Variants in PACS1 observed in about 807,000 individuals in gnomAD.
PACS1 encodes the protein phosphofurin acidic cluster sorting protein 1, also known as PACS-1.
Under a neutral mutation model 115.0 loss-of-function variants are expected in PACS1, and 24 were observed. The observed-to-expected ratio is 0.21, with a 90% CI of 0.15 to 0.29. The LOEUF is 0.29. Ranked by LOEUF, PACS1 falls within the 10% of genes least tolerant of loss-of-function variation. The pLI, the probability that PACS1 is intolerant of heterozygous loss-of-function variation, is 1.00. For synonymous variants in PACS1, 453 were observed against 504.5 expected, an observed-to-expected ratio of 0.90 and a Z score of 1.37; for missense variants, 838 against 1,251.2, an observed-to-expected ratio of 0.67 and a Z score of 4.98.
At chr11:66,214,185 G>A (rs1281939074) in intron 4 of PACS1, among the ~76,000 whole-genome samples, 1 of 151,984 alleles carries the variant, frequency 6.6e-6, no homozygotes, top group Non-Finnish European at 1.5e-5. Flanking sequence ...CTGTACTTTA[G>A]TAAATTAAAT....
At chr11:66,091,512 C>CT (rs532791730) in intron 1 of PACS1, among the ~76,000 whole-genome samples, 76 of 144,098 alleles carry the variant, frequency 5.3e-4, no homozygotes, top group African/African-American at 8.9e-4. Context: ...TGTTTTTTTT[C>CT]TTTTTTTTTT....
intron 1 of PACS1, among the ~76,000 whole-genome samples, chr11:66,187,723 G>C (rs1048449276): frequency 2.0e-5 from 3 of 152,148 alleles, no homozygotes; most frequent in Non-Finnish European, 4.4e-5. Flanking sequence ...GGACCCCTAG[G>C]TTGATTCCTT....
intron 1 of PACS1, among the ~76,000 whole-genome samples, chr11:66,185,022 A>G (rs1348944489): frequency 1.3e-5 from 2 of 151,980 alleles, no homozygotes; most frequent in African/African-American, 4.8e-5. Context: ...CAGGCCAGGA[A>G]CTCTCGGCCT....
intron 4 of PACS1, among the ~76,000 whole-genome samples, chr11:66,215,591 C>T (rs929972899): frequency 2.6e-5 from 4 of 151,120 alleles, no homozygotes; most frequent in African/African-American, 7.3e-5. Flanking sequence ...CAGAGTGAGA[C>T]CCTGCCTTTA....
intron 1 of PACS1, chr11:66,121,055 A>G (rs1179796747): frequency 2.2e-6 from 1 of 456,186 alleles, no homozygotes; most frequent in East Asian, 6.9e-5. Context: ...GATTTGTGGC[A>G]ACCCTACGTT....
chr11:66,215,945 AATAAT>A (rs1565150611), intron 4 of PACS1, among the ~76,000 whole-genome samples, 169 bp from the exon 5 acceptor site: 9 of 144,248 alleles, frequency 6.2e-5, no homozygotes, highest in African/African-American at 2.1e-4. Flanking sequence ...TAATAATAAT[AATAAT>A]AAACAAAGTA....
At chr11:66,143,669 T>C (rs1565123207) in intron 1 of PACS1, among the ~76,000 whole-genome samples, 1 of 152,184 alleles carries the variant, frequency 6.6e-6, no homozygotes, top group East Asian at 1.9e-4. Flanking sequence ...AGACAGAGTC[T>C]TACTCTGTTG....
chr11:66,118,512 T>C (rs144577549), intron 1 of PACS1, among the ~76,000 whole-genome samples: 4,016 of 152,158 alleles, frequency 0.026, 76 homozygotes, highest in South Asian at 0.068. Flanking sequence ...CTTGGGAGGC[T>C]GAGGTGGGAG....
In PACS1 at chr11:66,230,688, G is replaced by C. The variant is rs776391150; in HGVS notation, c.1490+25G>C. 1.3e-5 allele frequency: 21 copies of C among 1,610,014 alleles called. No homozygotes were observed. The South Asian group carries it at 1.6e-4, about 13-fold the overall frequency. ...GGTACTGCAGATGGAAAGGAAGCAG[G>C]GGGTACAGCCTGCAGCTGTGCTTAG... is the stretch of plus-strand genomic sequence containing the variant. On this transcript the variant is annotated intron_variant, in intron 12 of 23. Transcript: ENST00000320580.
chr11:66,143,270 T>G (rs1859041798), intron 1 of PACS1, among the ~76,000 whole-genome samples: 1 of 152,200 alleles, frequency 6.6e-6, no homozygotes. Flanking sequence ...TAAAACTTCT[T>G]GCTGTAAAGG....
Position 66,172,272 on chromosome 11 carries a change from A to G in PACS1, c.357-21214A>G, listed in dbSNP as rs967933434. On this transcript the variant is annotated intron_variant, in intron 1 of 23. Transcript: ENST00000320580. ...TGAGCCAGCCTCCACGGTCTCCCTTATGACTGTGGCTCTCTGTGACTCACA... is the reference window on the plus strand; with the variant it reads ...TGAGCCAGCCTCCACGGTCTCCCTTGTGACTGTGGCTCTCTGTGACTCACA... 3.3e-5 allele frequency among the ~76,000 whole-genome samples: 5 copies of G among 152,154 alleles called. No individual in the cohort carries two copies. In the South Asian group the frequency reaches 1.0e-3, roughly 32 times the overall value.
intron 1 of PACS1, among the ~76,000 whole-genome samples, chr11:66,173,923 G>A (rs1357962854): frequency 1.3e-5 from 2 of 151,998 alleles, no homozygotes; most frequent in African/African-American, 4.8e-5. Context: ...CTGGTGGCAC[G>A]CGCCTGTAAT....
intron 1 of PACS1, among the ~76,000 whole-genome samples, chr11:66,171,516 CTT>C (rs911412659): frequency 1.3e-5 from 2 of 149,942 alleles, no homozygotes; most frequent in South Asian, 2.1e-4. Context: ...CTGGATGACT[CTT>C]TAGCCTTCTT....
Position 66,241,467 on chromosome 11 carries a change from G to T in PACS1, c.2470G>T (p.Val824Leu). Residue 824 changes from valine (V) to leucine (L), a missense_variant, in exon 22 of 24, where the codon GTG (valine) becomes TTG (leucine). This residue lies in a region of PACS1 where 84 missense variants were observed against 187.1 expected (regional missense o/e 0.45). Coordinates refer to ENST00000320580, the MANE Select transcript of PACS1 (RefSeq NM_018026.4). Reference protein sequence around the residue: ...SPYGDVIGLQVDYWLGHPGER... With the variant: ...SPYGDVIGLQLDYWLGHPGER... ...ATATGGGGACGTGATTGGCCTCCAG[G>T]TGGACTACTGGCTGGGCCACCCCGG... 6.2e-7 allele frequency: 1 copy of T among 1,610,500 alleles called. No homozygotes were observed. The highest frequency in any genetic ancestry group is 8.5e-7 in the Non-Finnish European group (1 of 1,178,404).
chr11:66,074,470 C>G (rs1249623064), intron 1 of PACS1, among the ~76,000 whole-genome samples: 3 of 152,198 alleles, frequency 2.0e-5, no homozygotes, highest in African/African-American at 4.8e-5. Flanking sequence ...CCCTGATGTT[C>G]TTTTCTTTTT....
rs546305077 is a variant in PACS1 at position 66,153,609 on chromosome 11, G to C, written c.357-39877G>C. Among the ~76,000 whole-genome samples, 15 of 152,132 alleles carry C rather than the reference G, an allele frequency of 9.9e-5. No individual in the cohort carries two copies. The East Asian group carries it at 2.9e-3, about 29-fold the overall frequency. Reference sequence around the variant, plus strand: ...ATCCTGGCTAACACGGTGAAACCCCGTCTCTACCAAAAATACAAAAAAATT... The same window carrying C: ...ATCCTGGCTAACACGGTGAAACCCCCTCTCTACCAAAAATACAAAAAAATT... On this transcript the variant is annotated intron_variant, in intron 1 of 23. Transcript: ENST00000320580.
intron 19 of PACS1, among the ~76,000 whole-genome samples, chr11:66,237,581 C>T (rs1352761002): frequency 3.9e-5 from 6 of 152,194 alleles, no homozygotes; most frequent in Non-Finnish European, 8.8e-5. Flanking sequence ...CTAGCCAGTC[C>T]CCGGTTAGCC....
intron 10 of PACS1, chr11:66,221,762 G>C (rs1855354495): frequency 6.4e-6 from 1 of 155,592 alleles, no homozygotes. Flanking sequence ...TGTCAGGCTG[G>C]GTTGTTCCTT....
chr11:66,203,633 A>G (rs561745013), intron 2 of PACS1, among the ~76,000 whole-genome samples: 24 of 152,230 alleles, frequency 1.6e-4, no homozygotes, highest in Non-Finnish European at 3.1e-4. Flanking sequence ...CCAAAACAGC[A>G]TGGTGCTGGC....
Sources: allele counts gnomAD v4.1 joint callset (sites outside exome capture counted in the v4.1 genomes callset), GRCh38; gene constraint gnomAD v4.1.1; regional missense constraint gnomAD v4.1.1; transcripts MANE v1.5; gene names NCBI Gene and HGNC (gene_info 2026-07-23, HGNC 2026-07-21).